APBA1: variants seen among roughly 807,000 people sequenced by gnomAD.
APBA1 encodes the protein amyloid-beta A4 precursor protein-binding family A member 1.
A neutral mutation model predicts 86.6 loss-of-function variants in APBA1; 55 were observed. The observed-to-expected ratio is 0.64, with a 90% CI of 0.51 to 0.80. APBA1 has a LOEUF of 0.80. Among genes scored for constraint, APBA1 ranks in the 30% least tolerant of loss-of-function variants. APBA1 has a pLI of 0.00. For missense variants in APBA1, 1,090 were observed against 1,183.0 expected (o/e 0.92, Z 1.15); for synonymous variants, 511 against 493.9 (o/e 1.03, Z -0.46).
intron 1 of APBA1, among the ~76,000 whole-genome samples, chr9:69,564,997 A>G (rs189816928): frequency 5.0e-4 from 76 of 152,330 alleles, no homozygotes; most frequent in African/African-American, 1.7e-3. Context: ...GAATTTAGTG[A>G]AAAAGAGGCA....
intron 2 of APBA1, among the ~76,000 whole-genome samples, chr9:69,503,681 T>G (rs1588325338): frequency 6.6e-6 from 1 of 152,138 alleles, no homozygotes; most frequent in Non-Finnish European, 1.5e-5. Flanking sequence ...CAATAATTTA[T>G]GCCAAGCTCT....
intron 1 of APBA1, among the ~76,000 whole-genome samples, chr9:69,581,388 T>C (rs1821910601): frequency 7.1e-5 from 1 of 14,016 alleles, no homozygotes; most frequent in Non-Finnish European, 2.8e-3. Flanking sequence ...TCTCTGAAGG[T>C]AGAAAAAAAA....
At chr9:69,662,661 A>C (rs1039654794) in intron 1 of APBA1, among the ~76,000 whole-genome samples, 2 of 152,238 alleles carry the variant, frequency 1.3e-5, no homozygotes, top group African/African-American at 4.8e-5. Flanking sequence ...GGGAAGAAAT[A>C]ATATTAGGTT....
At chr9:69,461,587 G>C (rs1277125877) in intron 5 of APBA1, 3 of 152,144 alleles carry the variant, frequency 2.0e-5, no homozygotes, top group Admixed American at 1.3e-4. Context: ...GAAACACGAG[G>C]TTTAAGTAGA....
At chr9:69,520,204 G>C (rs1240834892) in intron 1 of APBA1, among the ~76,000 whole-genome samples, 1 of 151,932 alleles carries the variant, frequency 6.6e-6, no homozygotes, top group Admixed American at 6.6e-5. Flanking sequence ...CGAAGTTGAT[G>C]CTTAGGTTTA....
At chr9:69,515,587 C>CCTTT (rs1836122798) in intron 2 of APBA1, among the ~76,000 whole-genome samples, 3 of 150,994 alleles carry the variant, frequency 2.0e-5, no homozygotes, top group African/African-American at 4.9e-5. Flanking sequence ...TTGCAATAAT[C>CCTTT]CTTTCCAGTG....
intron 2 of APBA1, among the ~76,000 whole-genome samples, chr9:69,514,022 ATCTT>A (rs1336667505): frequency 6.6e-6 from 1 of 152,220 alleles, no homozygotes; most frequent in Non-Finnish European, 1.5e-5. Context: ...AGCAGAGAGA[ATCTT>A]TATAGCAAAC....
intron 1 of APBA1, among the ~76,000 whole-genome samples, chr9:69,557,991 T>A (rs1428379558): frequency 1.3e-5 from 2 of 152,244 alleles, no homozygotes; most frequent in African/African-American, 4.8e-5. Flanking sequence ...CATTTCATTT[T>A]CTGAGGCATA....
intron 1 of APBA1, among the ~76,000 whole-genome samples, chr9:69,653,206 C>CA (rs201269180): frequency 0.019 from 2,816 of 150,858 alleles, 88 homozygotes; most frequent in African/African-American, 0.064. Flanking sequence ...GGCTTAAAGA[C>CA]AAAAAAAAGG....
chr9:69,605,839 T>A (rs1199196065), intron 1 of APBA1, among the ~76,000 whole-genome samples: 1 of 152,250 alleles, frequency 6.6e-6, no homozygotes, highest in African/African-American at 2.4e-5. Context: ...GTGGGTTTGT[T>A]TTATTGACTG....
At chr9:69,434,711 TAA>T (rs61262615) in intron 11 of APBA1, among the ~76,000 whole-genome samples, 30 of 133,798 alleles carry the variant, frequency 2.2e-4, no homozygotes, top group Admixed American at 2.3e-4. Flanking sequence ...CATCTCAATT[TAA>T]AAAAAAAAAA....
chr9:69,571,179 T>A (rs372164843), intron 1 of APBA1, among the ~76,000 whole-genome samples: 4 of 152,344 alleles, frequency 2.6e-5, no homozygotes, highest in African/African-American at 9.6e-5. Context: ...GTTGAATGAA[T>A]GCATGACAAG....
At position 69,432,577 on chromosome 9, in the gene APBA1, G is replaced by T; in HGVS notation, c.2401C>A (p.His801Asn). The change falls in exon 12 of 13, where the codon CAC becomes AAC. Residue 801 changes from histidine (H) to asparagine (N), a missense_variant. Around this residue, in one of 6 missense-constraint regions of APBA1, gnomAD observed 119 missense variants for 124.8 expected, o/e 0.95. Coordinates refer to ENST00000265381, the MANE Select transcript of APBA1 (RefSeq NM_001163.4). ...INGQSVVATP[H>N]EKIVHILSNA... ...GAGAGAATGTGGACGATCTTCTCGT[G>T]GGGGGTGGCCACGACGCTCTGTCCA... is the stretch of plus-strand genomic sequence containing the variant. 1.3e-6 allele frequency: 2 copies of T among 1,597,468 alleles called. No individual in the cohort carries two copies. Among genetic ancestry groups the T allele is most frequent in the Non-Finnish European group, 1.7e-6 (2 of 1,172,612 alleles).
chr9:69,672,110 C>A (rs2309517), intron 1 of APBA1, 43 bp downstream of exon 1: 98,277 of 153,164 alleles, frequency 0.64, 34,774 homozygotes, highest in East Asian at 0.97. Context: ...GCCGCATCAG[C>A]GCCGGGCACC....
intron 2 of APBA1, among the ~76,000 whole-genome samples, chr9:69,487,263 C>T (rs1273437460): frequency 2.0e-5 from 3 of 151,968 alleles, no homozygotes; most frequent in Non-Finnish European, 4.4e-5. Flanking sequence ...CTATGTGGGC[C>T]ATTCATTCAA....
intron 1 of APBA1, among the ~76,000 whole-genome samples, chr9:69,557,775 C>T (rs1047512919): frequency 6.6e-6 from 1 of 152,220 alleles, no homozygotes; most frequent in African/African-American, 2.4e-5. Flanking sequence ...TGCCACAAGC[C>T]TCAGTGCTCC....
chr9:69,471,444 T>C (rs956931022), intron 4 of APBA1, among the ~76,000 whole-genome samples: 2 of 152,164 alleles, frequency 1.3e-5, no homozygotes, highest in Non-Finnish European at 2.9e-5. Context: ...AGAGTCCTCA[T>C]CCACATAATG....
chr9:69,561,402 T>C (rs776574386), intron 1 of APBA1, among the ~76,000 whole-genome samples: 17 of 152,220 alleles, frequency 1.1e-4, no homozygotes, highest in Non-Finnish European at 2.5e-4. Context: ...TTTAGCACTA[T>C]CCTAAAAGTG....
chr9:69,456,017 C>T (rs1213354773), intron 8 of APBA1, among the ~76,000 whole-genome samples: 1 of 152,214 alleles, frequency 6.6e-6, no homozygotes, highest in Non-Finnish European at 1.5e-5. Flanking sequence ...CCCCACTACC[C>T]AATTTTACAT....
Sources: gnomAD v4.1 joint callset for allele counts (sites outside exome capture counted in the v4.1 genomes callset) on GRCh38, gnomAD v4.1.1 for gene constraint, gnomAD v4.1.1 regional missense constraint, MANE v1.5 for transcripts, NCBI Gene and HGNC (gene_info 2026-07-23, HGNC 2026-07-21) for gene names.